ERICH6: variants seen among roughly 807,000 people sequenced by gnomAD.
ERICH6 encodes glutamate rich 6.
In ERICH6, 71 loss-of-function variants were observed where a neutral mutation model predicts 71.0. The observed-to-expected ratio is 1.00, with a 90% CI of 0.83 to 1.22. The LOEUF (loss-of-function observed/expected upper bound fraction) is 1.22. Ranked by LOEUF, ERICH6 falls within the 50% of genes most tolerant of loss-of-function variation. The pLI, the probability that ERICH6 is intolerant of heterozygous loss-of-function variation, is 0.00. For synonymous variants in ERICH6, 262 were observed against 278.4 expected (o/e 0.94, Z 0.59); for missense variants, 808 against 797.2 (o/e 1.01, Z -0.16).
intron 7 of ERICH6, 152 bp from the exon 8 acceptor site, chr3:150,681,082 T>C (rs1444473814): frequency 5.2e-6 from 4 of 767,972 alleles, no homozygotes; most frequent in Non-Finnish European, 3.8e-6. Flanking sequence ...TACCATACAA[T>C]TCACCCATTT....
In ERICH6 at chr3:150,698,848, C is replaced by T. The variant is rs371295876; in HGVS notation, c.496G>A (p.Val166Ile). 6.8e-6 allele frequency: 11 copies of T among 1,613,892 alleles called. No homozygotes were observed. In the Admixed American group the frequency reaches 8.3e-5, roughly 12 times the overall value. The change falls in exon 3 of 14, where the codon GTA (valine) becomes ATA (isoleucine). Residue 166 changes from valine (V) to isoleucine (I), a missense_variant. Physicochemically the swap from Val to Ile is conservative, Grantham distance 29 (BLOSUM62 3). Coordinates refer to ENST00000295910, the MANE Select transcript of ERICH6 (RefSeq NM_152394.5). ...CAACTTTCTTCTGTTTGTACTGATA[C>T]TGGAATTCCTGGAGACAAATTGCGA... is the stretch of plus-strand genomic sequence containing the variant. ...IHRNLSPGIP[V>I]SVQTEESWLQ...
intron 11 of ERICH6, among the ~76,000 whole-genome samples, chr3:150,670,237 C>A (rs1205300222): frequency 6.6e-6 from 1 of 152,008 alleles, no homozygotes; most frequent in Non-Finnish European, 1.5e-5. Context: ...GTAATCTCAG[C>A]ACTTGGGGAG....
chr3:150,672,264 C>CATATAT lies in ERICH6; in HGVS notation c.1343+1686_1343+1691dup, dbSNP rs57492414. On this transcript the variant is annotated intron_variant, in intron 11 of 13. Transcript: ENST00000295910. ...TAAACAAAGAATCCATTTATATATA[C>CATATAT]ATATATATATATATGCTCATACACA... Among the ~76,000 whole-genome samples the CATATAT allele has an allele frequency of 8.9e-5, 11 of 123,654 alleles. No individual in the cohort carries two copies. In the East Asian group the frequency reaches 1.6e-3, roughly 18 times the overall value. 81.1% of individuals were successfully genotyped at this position (123,654 alleles called of 152,430 possible).
chr3:150,672,204 T>G (rs1460624307), intron 11 of ERICH6, among the ~76,000 whole-genome samples: 1 of 145,410 alleles, frequency 6.9e-6, no homozygotes, highest in African/African-American at 2.6e-5. Flanking sequence ...CATTATTGTA[T>G]AATTTCATTA....
At chr3:150,678,797 T>C (rs926594084) in intron 9 of ERICH6, among the ~76,000 whole-genome samples, 5 of 152,092 alleles carry the variant, frequency 3.3e-5, no homozygotes, top group Non-Finnish European at 5.9e-5. Context: ...TCCCAGAACT[T>C]TGGGAGGTCG....
intron 12 of ERICH6, among the ~76,000 whole-genome samples, chr3:150,667,975 G>T (rs1051247150): frequency 3.9e-5 from 6 of 152,076 alleles, no homozygotes; most frequent in African/African-American, 1.4e-4. Flanking sequence ...ACTTTGTCAG[G>T]CTAAATGAAA....
intron 13 of ERICH6, among the ~76,000 whole-genome samples, chr3:150,661,895 C>T (rs1727236936): frequency 6.6e-6 from 1 of 151,756 alleles, no homozygotes; most frequent in African/African-American, 2.4e-5. Context: ...AACAAACAAA[C>T]AAAAAAACCA....
In ERICH6 at chr3:150,703,479, T is replaced by G; in HGVS notation, c.403+17A>C. On this transcript the variant is annotated intron_variant, in intron 1 of 13. Transcript: ENST00000295910. ...AGACGAGAAACCCTCGAGGAAGGGG[T>G]GGGTCGGGGGCGGTACTTTTATGCG... The G allele has an allele frequency of 6.4e-7, 1 of 1,551,804 alleles. No individual in the cohort carries two copies. Among genetic ancestry groups the G allele is most frequent in the Non-Finnish European group, 8.7e-7 (1 of 1,149,792 alleles).
chr3:150,665,700 G>A (rs1020501809), intron 13 of ERICH6, among the ~76,000 whole-genome samples: 12 of 151,018 alleles, frequency 7.9e-5, no homozygotes, highest in Non-Finnish European at 1.3e-4. Flanking sequence ...GGTGGTGGGC[G>A]CCTGTAGTCC....
At chr3:150,663,794 C>A (rs571025975) in intron 13 of ERICH6, among the ~76,000 whole-genome samples, 36 of 152,076 alleles carry the variant, frequency 2.4e-4, no homozygotes, top group Admixed American at 1.6e-3. Context: ...TTTTTTCATG[C>A]CCCCTTAGAA....
chr3:150,685,782 GC>G lies in ERICH6; in HGVS notation c.742del (p.Ala248HisfsTer9), dbSNP rs1411426738. 3 of 1,614,078 alleles carry G rather than the reference GC, an allele frequency of 1.9e-6. No homozygotes were observed. Among genetic ancestry groups the G allele is most frequent in the Non-Finnish European group, 2.5e-6 (3 of 1,179,994 alleles). ...TAAATTGGAGCTCTCTTCTTTGTAT[GC>G]CAGAATGGATGGTGGTCCGATGCTG... The part of the protein sequence containing the change: ...LPSIGPPSIL[A>X]YKEESSNLGI... On this transcript the variant is annotated frameshift_variant, in exon 6 of 14. Transcript: ENST00000295910. LOFTEE classifies it high-confidence loss of function.
intron 2 of ERICH6, among the ~76,000 whole-genome samples, chr3:150,701,015 A>G (rs972499513): frequency 6.6e-6 from 1 of 152,222 alleles, no homozygotes; most frequent in Non-Finnish European, 1.5e-5. Flanking sequence ...TTTAGAAACA[A>G]CCCCAGAGCA....
chr3:150,664,857 A>AT (rs1727350502), intron 13 of ERICH6, among the ~76,000 whole-genome samples: 1 of 151,712 alleles, frequency 6.6e-6, no homozygotes, highest in Admixed American at 6.6e-5. Flanking sequence ...GTTGCTTGTA[A>AT]TTAAAAAAAA....
chr3:150,693,960 G>A (rs1712551894), intron 3 of ERICH6, among the ~76,000 whole-genome samples: 1 of 152,092 alleles, frequency 6.6e-6, no homozygotes, highest in African/African-American at 2.4e-5. Flanking sequence ...ACTGAAGCTA[G>A]AAAACTTAAA....
chr3:150,684,257 C>T (rs1484799595), intron 6 of ERICH6, among the ~76,000 whole-genome samples: 5 of 151,920 alleles, frequency 3.3e-5, no homozygotes, highest in Admixed American at 2.0e-4. Flanking sequence ...AATTTCAGCC[C>T]GAAGAGTCTG....
chr3:150,685,818 C>G lies in ERICH6; in HGVS notation c.707G>C (p.Arg236Thr). Residue 236 changes from arginine to threonine, a missense_variant, in exon 6 of 14, where the codon AGA becomes ACA. By Grantham distance (71) the Arg-to-Thr change is moderately conservative (BLOSUM62 -1). Coordinates refer to ENST00000295910, the MANE Select transcript of ERICH6 (RefSeq NM_152394.5). Reference sequence around the variant, plus strand: ...TGGTGGTCCGATGCTGGGTAACGTTCTTAGAGAAGGCTCGAACAGTGTTAT... The same window carrying G: ...TGGTGGTCCGATGCTGGGTAACGTTGTTAGAGAAGGCTCGAACAGTGTTAT... ...DFITLFEPSL[R>T]TLPSIGPPSI... 1 of 1,614,102 alleles carries G rather than the reference C, an allele frequency of 6.2e-7. No homozygotes were observed. Among genetic ancestry groups the G allele is most frequent in the Non-Finnish European group, 8.5e-7 (1 of 1,180,030 alleles).
chr3:150,679,801 G>C (rs1711823635), intron 9 of ERICH6, among the ~76,000 whole-genome samples: 1 of 152,200 alleles, frequency 6.6e-6, no homozygotes, highest in Non-Finnish European at 1.5e-5. Flanking sequence ...GAGATTACAG[G>C]CGCCTGCCAC....
intron 2 of ERICH6, among the ~76,000 whole-genome samples, chr3:150,700,427 C>T (rs1332730255): frequency 2.0e-5 from 3 of 151,120 alleles, no homozygotes; most frequent in Non-Finnish European, 4.4e-5. Context: ...TCCGTGAGAC[C>T]TATATAAAAA....
chr3:150,672,636 T>C (rs1360615908), intron 11 of ERICH6, among the ~76,000 whole-genome samples: 1 of 148,262 alleles, frequency 6.7e-6, no homozygotes, highest in African/African-American at 2.5e-5. Flanking sequence ...CTTTTTCTTT[T>C]TTTATTTTTC....
Sources: gnomAD v4.1 joint callset for allele counts (sites outside exome capture counted in the v4.1 genomes callset) on GRCh38, gnomAD v4.1.1 for gene constraint, MANE v1.5 for transcripts, NCBI Gene and HGNC (gene_info 2026-07-23, HGNC 2026-07-21) for gene names.